The following POU2F3 variants were observed in gnomAD, a reference collection of about 807,000 sequenced individuals.
The protein encoded by POU2F3 is POU domain, class 2, transcription factor 3.
A neutral mutation model predicts 59.2 loss-of-function variants in POU2F3; 23 were observed. The observed-to-expected ratio is 0.39, with a 90% confidence interval of 0.28 to 0.55. The LOEUF (loss-of-function observed/expected upper bound fraction) is 0.55, where lower values mean the gene tolerates loss of function less well. POU2F3 is among the 20% of genes least tolerant of loss of function. The pLI, the probability that POU2F3 is intolerant of heterozygous loss-of-function variation, is 0.66. For missense variants in POU2F3, 473 were observed against 544.5 expected (o/e 0.87, Z 1.31); for synonymous variants, 190 against 214.6 (o/e 0.89, Z 1.00).
intron 2 of POU2F3, among the ~76,000 whole-genome samples, chr11:120,268,593 C>T (rs893970202): frequency 6.6e-6 from 1 of 152,190 alleles, no homozygotes; most frequent in Non-Finnish European, 1.5e-5. Flanking sequence ...CCTTCTGCCT[C>T]AGCCTCCCAA....
chr11:120,294,699 A>G (rs1032045753), intron 3 of POU2F3, among the ~76,000 whole-genome samples: 1 of 152,198 alleles, frequency 6.6e-6, no homozygotes, highest in African/African-American at 2.4e-5. Context: ...AGTGTCAAAG[A>G]TGTCTGTCAG....
chr11:120,251,595 G>T (rs1265862071), intron 2 of POU2F3, among the ~76,000 whole-genome samples: 1 of 152,054 alleles, frequency 6.6e-6, no homozygotes, highest in East Asian at 1.9e-4. Flanking sequence ...TGAAACTGTA[G>T]TCCCCCCCAG....
At chr11:120,262,574 C>T (rs774792973) in intron 2 of POU2F3, among the ~76,000 whole-genome samples, 4 of 152,216 alleles carry the variant, frequency 2.6e-5, no homozygotes, top group Admixed American at 1.3e-4. Context: ...CAAAACAAAA[C>T]GAATCCCTCA....
rs1941841589 is a variant in POU2F3 at position 120,318,367 on chromosome 11, G to A, written c.1286G>A (p.Trp429Ter). Reference protein sequence around the residue: ...SFNSSGSWYRWNHSTYLH With the variant: ...SFNSSGSWYR ...CTTCCTTCCAGATCTTGGTACCGAT[G>A]GAATCATTCCACCTACCTCCACTGA... The change falls in exon 13 of 13, where the codon TGG (tryptophan) becomes TAG (stop). Residue 429 changes from tryptophan to a stop codon, truncating the protein, a stop_gained. Coordinates refer to ENST00000543440, the MANE Select transcript of POU2F3 (RefSeq NM_014352.4). LOFTEE classifies it high-confidence loss of function. 6.2e-7 allele frequency: 1 copy of A among 1,606,064 alleles called. No individual in the cohort carries two copies. The highest frequency in any genetic ancestry group is 2.2e-5 in the East Asian group (1 of 44,832).
At chr11:120,236,773 G>C, upstream of POU2F3, 4 of 1,388,386 alleles carry the variant, frequency 2.9e-6, no homozygotes, top group Non-Finnish European at 4.0e-6. Flanking sequence ...GCAAGTCTGA[G>C]AGAGAAGGAA....
intron 10 of POU2F3, among the ~76,000 whole-genome samples, chr11:120,313,118 T>C (rs942736468): frequency 6.6e-6 from 1 of 152,004 alleles, no homozygotes; most frequent in African/African-American, 2.4e-5. Flanking sequence ...GAAACTTGGG[T>C]CATGTCATAG....
chr11:120,280,949 G>T (rs1180961511), intron 3 of POU2F3, among the ~76,000 whole-genome samples: 1 of 152,164 alleles, frequency 6.6e-6, no homozygotes, highest in Middle Eastern at 3.2e-3. Flanking sequence ...CAGGGAAGAG[G>T]CAGTGTTTGC....
At chr11:120,251,853 G>A (rs1244200397) in intron 2 of POU2F3, among the ~76,000 whole-genome samples, 1 of 143,404 alleles carries the variant, frequency 7.0e-6, no homozygotes, top group African/African-American at 2.6e-5. Flanking sequence ...GGAGTACAGT[G>A]GCATGATCTC....
At chr11:120,242,293 TC>T (rs1166613869) in intron 1 of POU2F3, among the ~76,000 whole-genome samples, 1 of 152,164 alleles carries the variant, frequency 6.6e-6, no homozygotes, top group Non-Finnish European at 1.5e-5. Context: ...CTTTGCTGGG[TC>T]CTCCTGGTGG....
At chr11:120,273,008 A>G (rs1249349002) in intron 3 of POU2F3, among the ~76,000 whole-genome samples, 1 of 152,254 alleles carries the variant, frequency 6.6e-6, no homozygotes, top group African/African-American at 2.4e-5. Flanking sequence ...ATCTCTTGCC[A>G]TAATTTGGCT....
chr11:120,240,345 TG>T lies in POU2F3; in HGVS notation c.4del (p.Val2?). On this transcript the variant is annotated frameshift_variant and start_lost, in exon 1 of 13. Coordinates refer to ENST00000543440, the MANE Select transcript of POU2F3 (RefSeq NM_014352.4). LOFTEE classifies it high-confidence loss of function. [M>X]VNLESMHTDI... ...GGCTTTGGCCCCGCCTGGGGCAGGA[TG>T]GTGAATCTGGAGTCCATGCACACAG... 7.1e-7 allele frequency: 1 copy of T among 1,413,586 alleles called. No homozygotes were observed. The highest frequency in any genetic ancestry group is 9.3e-7 in the Non-Finnish European group (1 of 1,072,498). The allele number at this position is 1,413,586 out of a possible 1,614,324, so 87.6% of individuals were successfully genotyped here. A position where few individuals can be genotyped will look rare whatever the true frequency, so the allele number is the denominator to read the frequency against.
intron 3 of POU2F3, among the ~76,000 whole-genome samples, chr11:120,286,233 G>A (rs568566331): frequency 4.6e-4 from 70 of 152,220 alleles, no homozygotes; most frequent in Non-Finnish European, 7.9e-4. Flanking sequence ...CCAATCGATG[G>A]ATATTAGGTT....
In POU2F3 at chr11:120,319,625, T is replaced by C. The variant is rs1941872158; in HGVS notation, c.*1233T>C. The C allele has an allele frequency of 6.6e-6, 1 of 152,014 alleles. No homozygotes were observed. The highest frequency in any genetic ancestry group is 6.6e-5 in the Admixed American group (1 of 15,232). The allele number at this position is 152,014 out of a possible 1,614,324, so 9.4% of individuals were successfully genotyped here. ...TTAGCCCAGCTAATTTTTGTATTTT[T>C]AGTAGAGATGGGGTTTCACCATGTT... On this transcript the variant is annotated 3_prime_UTR_variant, in exon 13 of 13. Transcript: ENST00000543440.
At chr11:120,254,453 A>G (rs141908317) in intron 2 of POU2F3, among the ~76,000 whole-genome samples, 89 of 152,300 alleles carry the variant, frequency 5.8e-4, no homozygotes, top group African/African-American at 2.0e-3. Context: ...AGAGGAGATG[A>G]CAAGTTGGAG....
intron 3 of POU2F3, among the ~76,000 whole-genome samples, chr11:120,279,425 A>T (rs1348170309): frequency 6.6e-6 from 1 of 152,114 alleles, no homozygotes; most frequent in Non-Finnish European, 1.5e-5. Flanking sequence ...TTATTTTCTG[A>T]TGAATAAGAA....
intron 3 of POU2F3, among the ~76,000 whole-genome samples, chr11:120,293,344 G>A (rs551544882): frequency 3.3e-5 from 5 of 152,292 alleles, no homozygotes; most frequent in Admixed American, 6.5e-5. Context: ...AAATGCAGCC[G>A]GTATCTCTTG....
chr11:120,274,427 G>A (rs533151807), intron 3 of POU2F3, among the ~76,000 whole-genome samples: 8 of 152,316 alleles, frequency 5.3e-5, no homozygotes, highest in Non-Finnish European at 8.8e-5. Context: ...CCAGCTTTAA[G>A]AGATAATTCT....
intron 3 of POU2F3, among the ~76,000 whole-genome samples, chr11:120,296,741 G>A (rs146734690): frequency 8.6e-4 from 131 of 152,212 alleles, no homozygotes; most frequent in Middle Eastern, 3.4e-3. Context: ...TCCTTTTTAT[G>A]GCTGCATAGT....
intron 3 of POU2F3, among the ~76,000 whole-genome samples, chr11:120,296,821 A>G (rs1421606383): frequency 6.6e-6 from 1 of 152,074 alleles, no homozygotes; most frequent in East Asian, 1.9e-4. Context: ...GGTTGATTCC[A>G]TGTCTTTGCT....
Sources: gnomAD v4.1 joint callset for allele counts (sites outside exome capture counted in the v4.1 genomes callset) on GRCh38, gnomAD v4.1.1 for gene constraint, MANE v1.5 for transcripts, NCBI Gene and HGNC (gene_info 2026-07-23, HGNC 2026-07-21) for gene names.